Variants in MBNL2 observed in about 807,000 individuals in gnomAD.
MBNL2 encodes the protein muscleblind like splicing regulator 2.
In MBNL2, 17 loss-of-function variants were observed where a neutral mutation model predicts 41.9. The observed-to-expected ratio is 0.41, with a 90% CI of 0.28 to 0.61. MBNL2 has a LOEUF of 0.61. MBNL2 is among the 20% of genes least tolerant of loss of function. The probability of loss-of-function intolerance (pLI) is 0.35; values close to 1 mark genes in which losing one functional copy is unlikely to be tolerated. For missense variants in MBNL2, 336 were observed against 505.6 expected (o/e 0.66, Z 3.22); for synonymous variants, 195 against 182.9 (o/e 1.07, Z -0.53).
chr13:97,291,846 G>A (rs373808586), intron 2 of MBNL2, among the ~76,000 whole-genome samples: 1,656 of 135,674 alleles, frequency 0.012, 31 homozygotes, highest in African/African-American at 0.043. Flanking sequence ...AGTGAGCTGA[G>A]ATCATGCCAT....
At chr13:97,153,388 A>G in the MBNL2 span, among the ~76,000 whole-genome samples, 2 of 152,104 alleles carry the variant, frequency 1.3e-5, no homozygotes, top group Non-Finnish European at 2.9e-5. Context: ...AGTCTTCTAT[A>G]AAGAGTTTAA....
intron 2 of MBNL2, among the ~76,000 whole-genome samples, chr13:97,279,014 C>G (rs73557617): frequency 0.026 from 3,967 of 152,280 alleles, 178 homozygotes; most frequent in African/African-American, 0.091. Flanking sequence ...CGGTCTGTAG[C>G]AACACGCTGG....
the MBNL2 span, among the ~76,000 whole-genome samples, chr13:97,193,588 T>G: frequency 6.6e-6 from 1 of 152,226 alleles, no homozygotes; most frequent in Non-Finnish European, 1.5e-5. Flanking sequence ...AACTATAGTT[T>G]CTACCTTTGG....
At chr13:97,151,933 C>A in the MBNL2 span, among the ~76,000 whole-genome samples, 1 of 152,140 alleles carries the variant, frequency 6.6e-6, no homozygotes, top group Non-Finnish European at 1.5e-5. Context: ...AACAAGCCCA[C>A]CTACAAAGAT....
chr13:97,285,163 A>G (rs956168884), intron 2 of MBNL2, among the ~76,000 whole-genome samples: 5 of 152,240 alleles, frequency 3.3e-5, no homozygotes, highest in African/African-American at 9.6e-5. Flanking sequence ...CACAATAGGA[A>G]GCAAAGATTT....
intron 2 of MBNL2, among the ~76,000 whole-genome samples, chr13:97,280,270 T>C (rs2152939231): frequency 6.6e-6 from 1 of 152,286 alleles, no homozygotes; most frequent in African/African-American, 2.4e-5. Context: ...ATTTGGCAAA[T>C]TGAACATCAA....
chr13:97,363,820 G>A (rs2153117329), intron 7 of MBNL2, among the ~76,000 whole-genome samples: 1 of 152,210 alleles, frequency 6.6e-6, no homozygotes, highest in Admixed American at 6.5e-5. Flanking sequence ...GCCCCCTCCT[G>A]ACTAGGTCAT....
chr13:97,274,611 A>T (rs774206665), intron 1 of MBNL2, among the ~76,000 whole-genome samples: 10 of 152,198 alleles, frequency 6.6e-5, no homozygotes, highest in Non-Finnish European at 8.8e-5. Context: ...TTAGGTATAA[A>T]TTTTTTAGAA....
the MBNL2 span, chr13:97,172,890 C>T: frequency 6.6e-6 from 1 of 151,890 alleles, no homozygotes; most frequent in Non-Finnish European, 1.5e-5. Context: ...GAGTGTTTAG[C>T]ACAGAGTGGA....
In MBNL2 at chr13:97,362,025, G is replaced by A. The variant is rs527986506; in HGVS notation, c.1013-3111G>A. On this transcript the variant is annotated intron_variant, in intron 7 of 8. Transcript: ENST00000679496. ...TTGACCTTGTGATCCACCCACCTCA[G>A]CCTCCCAAAGTGCTGGGATTACAGG... 1.3e-3 allele frequency among the ~76,000 whole-genome samples: 204 copies of A among 152,078 alleles called. 3 individuals carry two copies. In the Middle Eastern group the frequency reaches 0.027, roughly 20 times the overall value.
rs556511354 is a variant in MBNL2 at position 97,267,316 on chromosome 13, A to C, written c.-604-8316A>C. ...AATGCTTTCTGAAAATCTAACACTT[A>C]GAAGAGTTCTTAAATACATTTTGAA... is the stretch of plus-strand genomic sequence containing the variant. On this transcript the variant is annotated intron_variant, in intron 1 of 8. Coordinates refer to ENST00000679496, the MANE Select transcript of MBNL2 (RefSeq NM_001382683.1). Among the ~76,000 whole-genome samples the C allele has an allele frequency of 3.3e-5, 5 of 152,354 alleles. No homozygotes were observed. The East Asian group carries it at 9.6e-4, about 29-fold the overall frequency.
intron 6 of MBNL2, 45 bp downstream of exon 6, chr13:97,356,894 G>GGTTCTCTGAA: frequency 8.2e-7 from 1 of 1,222,648 alleles, no homozygotes; most frequent in Non-Finnish European, 1.1e-6. Context: ...GCTTTTCAGA[G>GGTTCTCTGAA]AACCATCTGA....
chr13:97,228,938 T>C (rs2042026699), intron 1 of MBNL2, among the ~76,000 whole-genome samples: 1 of 151,636 alleles, frequency 6.6e-6, no homozygotes, highest in Non-Finnish European at 1.5e-5. Context: ...GCCACAAAAG[T>C]AGAAATAGTA....
In MBNL2 at chr13:97,274,164, A is replaced by G. The variant is rs142255262; in HGVS notation, c.-604-1468A>G. Among the ~76,000 whole-genome samples the G allele has an allele frequency of 3.0e-3, 454 of 152,326 alleles. 2 individuals are homozygous for G. Among genetic ancestry groups the G allele is most frequent in the African/African-American group, 0.01 (436 of 41,576 alleles). On this transcript the variant is annotated intron_variant, in intron 1 of 8. Transcript: ENST00000679496. ...AAATAAACTTAATTGATTTGGGGTC[A>G]TACTTTTTAAGGGAACACTTGTGAA...
At chr13:97,326,306 CCACCAGGCTA>C (rs1409072746) in intron 2 of MBNL2, among the ~76,000 whole-genome samples, 1 of 152,142 alleles carries the variant, frequency 6.6e-6, no homozygotes, top group Non-Finnish European at 1.5e-5. Flanking sequence ...CCTCATTTAT[CCACCAGGCTA>C]CACTGCCAAA....
the MBNL2 span, among the ~76,000 whole-genome samples, chr13:97,212,743 A>T: frequency 6.6e-6 from 1 of 152,202 alleles, no homozygotes; most frequent in Non-Finnish European, 1.5e-5. Context: ...CACTATGTAC[A>T]TATTTAATAA....
intron 2 of MBNL2, among the ~76,000 whole-genome samples, chr13:97,330,180 G>A (rs1224335089): frequency 6.6e-6 from 1 of 152,164 alleles, no homozygotes; most frequent in African/African-American, 2.4e-5. Context: ...GAATGAGATC[G>A]TAGCCTGGAA....
the MBNL2 span, among the ~76,000 whole-genome samples, chr13:97,214,609 A>G: frequency 1.1e-4 from 16 of 152,174 alleles, no homozygotes; most frequent in Non-Finnish European, 4.4e-5. Context: ...AGAAGGTTAT[A>G]GACAGAAAAA....
the MBNL2 span, among the ~76,000 whole-genome samples, chr13:97,187,754 A>C: frequency 6.6e-6 from 1 of 151,954 alleles, no homozygotes; most frequent in East Asian, 1.9e-4. Flanking sequence ...AAAAATACAA[A>C]AAATTAGCCG....
Sources: allele counts gnomAD v4.1 joint callset (sites outside exome capture counted in the v4.1 genomes callset), GRCh38; gene constraint gnomAD v4.1.1; transcripts MANE v1.5; gene names NCBI Gene and HGNC (gene_info 2026-07-23, HGNC 2026-07-21).